The following EML1 variants were observed in gnomAD, a reference collection of about 807,000 sequenced individuals.
EML1 encodes echinoderm microtubule-associated protein-like 1.
Under a neutral mutation model 110.4 loss-of-function variants are expected in EML1, and 27 were observed. That is an observed-to-expected ratio of 0.24 (90% confidence interval 0.18 to 0.34). EML1 has a LOEUF of 0.34. EML1 is among the 10% of genes least tolerant of loss of function. The pLI, the probability that EML1 is intolerant of heterozygous loss-of-function variation, is 1.00. For missense variants in EML1, 741 were observed against 1,030.9 expected, an observed-to-expected ratio of 0.72 and a Z score of 3.85; for synonymous variants, 344 against 385.8, an observed-to-expected ratio of 0.89 and a Z score of 1.27.
At chr14:99,822,883 A>G (rs1345575660) in intron 1 of EML1, among the ~76,000 whole-genome samples, 2 of 152,228 alleles carry the variant, frequency 1.3e-5, no homozygotes, top group Middle Eastern at 3.4e-3. Context: ...AGGCTGCTGA[A>G]GCGTCTCTCC....
At chr14:99,874,896 T>A (rs777823289) in intron 3 of EML1, 1 of 1,590,862 alleles carries the variant, frequency 6.3e-7, no homozygotes, top group Non-Finnish European at 8.6e-7. Flanking sequence ...GCACTCACAT[T>A]TATTCTGCTT....
chr14:99,901,959 A>C (rs2059771013), intron 9 of EML1, among the ~76,000 whole-genome samples: 1 of 152,152 alleles, frequency 6.6e-6, no homozygotes. Flanking sequence ...GAGAATCCTT[A>C]ATCCTAAGGG....
At chr14:99,750,019 C>T (rs1469364693) in intron 1 of EML1, among the ~76,000 whole-genome samples, 12 of 152,330 alleles carry the variant, frequency 7.9e-5, no homozygotes, top group South Asian at 4.1e-4. Context: ...TGTCCTCCCG[C>T]GAGGTTGGCT....
chr14:99,878,553 C>T lies in EML1; in HGVS notation c.452C>T (p.Ser151Phe), dbSNP rs928193159. ...PGGRRESNGD[S>F]RGNRNRTGST... ...GGTCGAAGGGAAAGCAATGGGGATT[C>T]CAGAGGAAACCGGAATCGCACAGGC... The change falls in exon 4 of 22, where the codon TCC becomes TTC. Residue 151 changes from serine (S) to phenylalanine (F), a missense_variant. Ser to Phe is a radical substitution (Grantham distance 155). This residue lies in a region of EML1 where 226 missense variants were observed against 255.6 expected (regional missense o/e 0.88). Coordinates refer to ENST00000262233, the MANE Select transcript of EML1 (RefSeq NM_004434.3). The T allele has an allele frequency of 6.2e-7, 1 of 1,613,940 alleles. No individual in the cohort carries two copies. The highest frequency in any genetic ancestry group is 1.1e-5 in the South Asian group (1 of 91,068).
At chr14:99,826,760 A>C (rs1019641355) in intron 1 of EML1, among the ~76,000 whole-genome samples, 1 of 152,188 alleles carries the variant, frequency 6.6e-6, no homozygotes, top group Non-Finnish European at 1.5e-5. Flanking sequence ...AAAAGACGAG[A>C]CTATTGAAGA....
intron 1 of EML1, among the ~76,000 whole-genome samples, chr14:99,785,188 G>C (rs1342890020): frequency 6.6e-6 from 1 of 152,072 alleles, no homozygotes; most frequent in African/African-American, 2.4e-5. Flanking sequence ...CCCAGTAGCT[G>C]GGATTACAGA....
chr14:99,936,157 C>G lies in EML1; in HGVS notation c.2007+31C>G, dbSNP rs2060466589. ...CGCTGACAGTGGACCTGTCGCTTCT[C>G]ATGCACTGCGTATAGTTTAACTACC... is the stretch of plus-strand genomic sequence containing the variant. On this transcript the variant is annotated intron_variant, in intron 18 of 21. Transcript: ENST00000262233. This position sits in a 1 kb window ranked among gnomAD's most constrained non-coding sequence, Gnocchi z 5.5. 4.3e-6 allele frequency: 7 copies of G among 1,613,152 alleles called. No homozygotes were observed. In the Admixed American group the frequency reaches 1.2e-4, roughly 27 times the overall value.
chr14:99,812,311 A>G (rs774074646), intron 1 of EML1, among the ~76,000 whole-genome samples: 6 of 151,818 alleles, frequency 4.0e-5, no homozygotes, highest in Admixed American at 1.3e-4. Context: ...AACCAAAGAC[A>G]TTCATGAGGC....
intron 1 of EML1, among the ~76,000 whole-genome samples, chr14:99,841,520 A>T (rs965296474): frequency 3.3e-5 from 5 of 152,196 alleles, no homozygotes; most frequent in African/African-American, 9.7e-5. Flanking sequence ...ATCCCAAATC[A>T]GTGCTCTCTC....
intron 3 of EML1, chr14:99,874,986 A>AG (rs1195191588): frequency 6.2e-7 from 1 of 1,613,490 alleles, no homozygotes; most frequent in South Asian, 1.1e-5. Flanking sequence ...ATCGACACCA[A>AG]GGTGAGGGGA....
At chr14:99,826,556 G>A (rs2058362623) in intron 1 of EML1, among the ~76,000 whole-genome samples, 1 of 152,238 alleles carries the variant, frequency 6.6e-6, no homozygotes, top group South Asian at 2.1e-4. Flanking sequence ...TATTCCTTAA[G>A]CAGCACGCCA....
At chr14:99,809,729 G>A in intron 1 of EML1, 1 of 456,102 alleles carries the variant, frequency 2.2e-6, no homozygotes, top group Middle Eastern at 3.3e-4. Context: ...GAAATCATTT[G>A]ATGGGTGGGG....
At chr14:99,860,014 TA>T (rs2058974812) in intron 2 of EML1, among the ~76,000 whole-genome samples, 1 of 152,124 alleles carries the variant, frequency 6.6e-6, no homozygotes, top group African/African-American at 2.4e-5. Context: ...ACTCTGACCT[TA>T]TTTTAGAAAG....
At chr14:99,866,635 T>C (rs1358341662) in intron 3 of EML1, among the ~76,000 whole-genome samples, 2 of 151,544 alleles carry the variant, frequency 1.3e-5, no homozygotes, top group Non-Finnish European at 2.9e-5. Flanking sequence ...CATCTATTGT[T>C]GTGCAACAGA....
Position 99,878,609 on chromosome 14 carries a change from A to T in EML1, c.508A>T (p.Asn170Tyr). 1 of 1,613,738 alleles carries T rather than the reference A, an allele frequency of 6.2e-7. No homozygotes were observed. The highest frequency in any genetic ancestry group is 8.5e-7 in the Non-Finnish European group (1 of 1,179,876). Residue 170 changes from asparagine to tyrosine, a missense_variant, in exon 4 of 22, where the codon AAC becomes TAC. By Grantham distance (143) the Asn-to-Tyr change is moderately radical. Around this residue, in one of 4 missense-constraint regions of EML1, gnomAD observed 226 missense variants for 255.6 expected, o/e 0.88. Transcript: ENST00000262233. ...STSSSSSGKK[N>Y]SESKPKEPVF... ...CAGCAGCTCTTCCAGTGGCAAAAAG[A>T]ACAGTGAAAGGTAAGGACGTCTTAT...
intron 3 of EML1, among the ~76,000 whole-genome samples, chr14:99,876,063 A>G (rs745350474): frequency 6.6e-6 from 1 of 152,170 alleles, no homozygotes; most frequent in Non-Finnish European, 1.5e-5. Context: ...CTTGGAGATT[A>G]CTAACTGAGC....
intron 1 of EML1, among the ~76,000 whole-genome samples, chr14:99,826,105 ATTTTTTTTTTT>A (rs71113225): frequency 1.3e-5 from 1 of 79,962 alleles, no homozygotes; most frequent in Non-Finnish European, 2.3e-5. Flanking sequence ...CTGTGCATTG[ATTTTTTTTTTT>A]TTTTTTTTTT....
At chr14:99,838,679 AC>A (rs1176694608) in intron 1 of EML1, among the ~76,000 whole-genome samples, 1 of 151,758 alleles carries the variant, frequency 6.6e-6, no homozygotes, top group African/African-American at 2.4e-5. Flanking sequence ...CTGGTGAGCC[AC>A]CCTTGCCCTT....
intron 1 of EML1, among the ~76,000 whole-genome samples, chr14:99,743,506 C>T (rs1026280418): frequency 1.3e-5 from 2 of 152,186 alleles, no homozygotes; most frequent in Non-Finnish European, 2.9e-5. Context: ...CGATCCAGGA[C>T]AGGCCCCCTT....
Sources: allele counts gnomAD v4.1 joint callset (sites outside exome capture counted in the v4.1 genomes callset), GRCh38; gene constraint gnomAD v4.1.1; regional missense constraint gnomAD v4.1.1; non-coding constraint Gnocchi (gnomAD v3.1); transcripts MANE v1.5; gene names NCBI Gene and HGNC (gene_info 2026-07-23, HGNC 2026-07-21).